The following WRN variants were observed in gnomAD, a reference collection of about 807,000 sequenced individuals.
WRN encodes bifunctional 3'-5' exonuclease/ATP-dependent helicase WRN.
In WRN, 149 loss-of-function variants were observed where a neutral mutation model predicts 180.7. The observed-to-expected ratio is 0.82, with a 90% confidence interval of 0.72 to 0.94. The LOEUF is 0.94. Among genes scored for constraint, WRN ranks in the 40% least tolerant of loss-of-function variants. The pLI, the probability that WRN is intolerant of heterozygous loss-of-function variation, is 0.00. For synonymous variants in WRN, 548 were observed against 568.9 expected, an observed-to-expected ratio of 0.96 and a Z score of 0.52; for missense variants, 1,661 against 1,700.1, an observed-to-expected ratio of 0.98 and a Z score of 0.40.
intron 1 of WRN, among the ~76,000 whole-genome samples, chr8:31,054,580 A>T (rs1484454274): frequency 6.6e-6 from 1 of 152,170 alleles, no homozygotes; most frequent in Non-Finnish European, 1.5e-5. Flanking sequence ...AGCCTTTAAA[A>T]TAATGATAAA....
chr8:31,080,806 A>T (rs892336240), intron 8 of WRN, 61 bp from the exon 9 acceptor site: 1 of 1,375,474 alleles, frequency 7.3e-7, no homozygotes, highest in African/African-American at 1.5e-5. Context: ...AAAGCTTCAC[A>T]GTTTGTCCTT....
intron 5 of WRN, among the ~76,000 whole-genome samples, chr8:31,065,598 C>T (rs1286313395): frequency 2.6e-5 from 4 of 152,060 alleles, no homozygotes; most frequent in Non-Finnish European, 5.9e-5. Context: ...CATAGTATTC[C>T]ATGGTGTATA....
rs1411646170 is a variant in WRN at position 31,083,790 on chromosome 8, A to G, written c.1350+11A>G. 8.0e-7 allele frequency: 1 copy of G among 1,250,908 alleles called. No individual in the cohort carries two copies. Among genetic ancestry groups the G allele is most frequent in the Non-Finnish European group, 1.2e-6 (1 of 852,868 alleles). The allele number at this position is 1,250,908 out of a possible 1,614,324, so 77.5% of individuals were successfully genotyped here. On this transcript the variant is annotated intron_variant, in intron 10 of 34. Transcript: ENST00000298139. ...ATGGAGATGCTTAAGGTATGTTTAC[A>G]ATTATAAAAATATTACTTCAAGTTC... is the stretch of plus-strand genomic sequence containing the variant.
rs1804208600 is a variant in WRN at position 31,174,518 on chromosome 8, T to C, written c.*1416T>C. On this transcript the variant is annotated 3_prime_UTR_variant, in exon 35 of 35. Transcript: ENST00000298139. ...CTCAAAATTGAACTAAGTTGGCCTC[T>C]TCACGGAAAACAACTGGTATTTGTT... Among the ~76,000 whole-genome samples, 1 of 152,236 alleles carries C rather than the reference T, an allele frequency of 6.6e-6. No homozygotes were observed. The highest frequency in any genetic ancestry group is 1.5e-5 in the Non-Finnish European group (1 of 68,042).
At chr8:31,072,676 G>A (rs183448965) in intron 7 of WRN, among the ~76,000 whole-genome samples, 4 of 152,276 alleles carry the variant, frequency 2.6e-5, no homozygotes, top group African/African-American at 4.8e-5. Flanking sequence ...TAGAAATAAC[G>A]AAGGCATGTG....
chr8:31,121,984 T>G (rs1257269506), intron 21 of WRN, among the ~76,000 whole-genome samples: 2 of 152,124 alleles, frequency 1.3e-5, no homozygotes, highest in African/African-American at 4.8e-5. Flanking sequence ...TCTGATTTTA[T>G]TTGTGTATTT....
At chr8:31,165,599 T>A (rs528136239) in intron 33 of WRN, among the ~76,000 whole-genome samples, 10 of 152,116 alleles carry the variant, frequency 6.6e-5, no homozygotes, top group Non-Finnish European at 1.3e-4. Flanking sequence ...TAAGCCTTTG[T>A]AATCAGGTAT....
At chr8:31,092,759 G>T (rs1813803030) in intron 16 of WRN, among the ~76,000 whole-genome samples, 1 of 151,880 alleles carries the variant, frequency 6.6e-6, no homozygotes, top group African/African-American at 2.4e-5. Context: ...TCCCCAGTCT[G>T]TCCTTCCATC....
At chr8:31,146,528 A>G (rs1018304874) in intron 28 of WRN, among the ~76,000 whole-genome samples, 2 of 151,716 alleles carry the variant, frequency 1.3e-5, no homozygotes, top group Admixed American at 1.3e-4. Flanking sequence ...CTTGACTTTT[A>G]TCCCCTCTTA....
rs780563933 is a variant in WRN at position 31,175,091 on chromosome 8, G to A, written c.*1989G>A. ...GATTTTTTCTGTGTTTCGAAGATCC[G>A]TATAACTCAGTGAATCAGTATGTTC... On this transcript the variant is annotated 3_prime_UTR_variant, in exon 35 of 35. Coordinates refer to ENST00000298139, the MANE Select transcript of WRN (RefSeq NM_000553.6). Among the ~76,000 whole-genome samples the A allele has an allele frequency of 5.1e-4, 78 of 151,952 alleles. No homozygotes were observed. Among genetic ancestry groups the A allele is most frequent in the Admixed American group, 9.2e-4 (14 of 15,246 alleles).
chr8:31,059,375 A>G (rs1812398700), intron 3 of WRN, 110 bp downstream of exon 3: 2 of 849,546 alleles, frequency 2.4e-6, no homozygotes, highest in African/African-American at 1.7e-5. Context: ...TGTTCAATAG[A>G]TAATTATTTC....
rs1802887261 is a variant in WRN, at chr8:31,147,120, G to A, written c.3451G>A (p.Glu1151Lys). The change falls in exon 29 of 35, where the codon GAG becomes AAG. Residue 1151 changes from glutamate to lysine, a missense_variant. By Grantham distance (56) the Glu-to-Lys change is moderately conservative. Coordinates refer to ENST00000298139, the MANE Select transcript of WRN (RefSeq NM_000553.6). ...GCCTGTTATTTCGGCACAAGAGCAG[G>A]AGACTCAGGTAAGGCTTTTGTAAAA... is the stretch of plus-strand genomic sequence containing the variant. ...SQPVISAQEQETQIVLYGKLV... is the reference protein window; with the variant it reads ...SQPVISAQEQKTQIVLYGKLV... The A allele has an allele frequency of 2.5e-6, 4 of 1,613,842 alleles. No homozygotes were observed. Among genetic ancestry groups the A allele is most frequent in the Non-Finnish European group, 2.5e-6 (3 of 1,179,822 alleles).
chr8:31,038,469 C>T (rs909305765), intron 1 of WRN, among the ~76,000 whole-genome samples: 2 of 151,758 alleles, frequency 1.3e-5, no homozygotes, highest in East Asian at 3.9e-4. Flanking sequence ...GAATATTAAA[C>T]CCTTATTGGG....
intron 1 of WRN, among the ~76,000 whole-genome samples, chr8:31,050,154 A>C (rs1043863238): frequency 1.3e-5 from 2 of 152,136 alleles, no homozygotes; most frequent in Non-Finnish European, 2.9e-5. Flanking sequence ...TAATGAGGGA[A>C]CCAGAAGGAT....
At chr8:31,146,281 G>A (rs1802853543) in intron 28 of WRN, among the ~76,000 whole-genome samples, 1 of 149,186 alleles carries the variant, frequency 6.7e-6, no homozygotes, top group Non-Finnish European at 1.5e-5. Flanking sequence ...TTAATAATTT[G>A]TTTATATATA....
Position 31,143,625 on chromosome 8 carries a change from T to TA in WRN, c.3383+3dup. The TA allele has an allele frequency of 6.4e-7, 1 of 1,574,594 alleles. No individual in the cohort carries two copies. On this transcript the variant is annotated splice_region_variant and intron_variant, in intron 28 of 34. Coordinates refer to ENST00000298139, the MANE Select transcript of WRN (RefSeq NM_000553.6). Reference sequence around the variant, plus strand: ...TGGGAGTAACATTTCTAAAAAAAGGTACAGAGTTCCATATTTCTATGTTCT... The same window carrying TA: ...TGGGAGTAACATTTCTAAAAAAAGGTAACAGAGTTCCATATTTCTATGTTCT...
chr8:31,072,128 G>A (rs1257832173), intron 7 of WRN, among the ~76,000 whole-genome samples: 5 of 152,204 alleles, frequency 3.3e-5, no homozygotes, highest in African/African-American at 1.2e-4. Context: ...TTGCGTGGAG[G>A]AGGGGACACC....
intron 31 of WRN, among the ~76,000 whole-genome samples, chr8:31,152,247 C>T (rs1379662347): frequency 1.3e-5 from 2 of 151,516 alleles, no homozygotes; most frequent in East Asian, 3.9e-4. Context: ...AGGAGAATGG[C>T]GTGAACCTGG....
intron 1 of WRN, among the ~76,000 whole-genome samples, chr8:31,035,431 C>A (rs1377847742): frequency 6.6e-6 from 1 of 152,022 alleles, no homozygotes; most frequent in Non-Finnish European, 1.5e-5. Flanking sequence ...AGTACAAAGG[C>A]CCTGGGGGAA....
Sources: allele counts gnomAD v4.1 joint callset (sites outside exome capture counted in the v4.1 genomes callset), GRCh38; gene constraint gnomAD v4.1.1; transcripts MANE v1.5; gene names NCBI Gene and HGNC (gene_info 2026-07-23, HGNC 2026-07-21).